The following MNT variants were observed in gnomAD, a reference collection of about 807,000 sequenced individuals.
MNT encodes the protein MAX network transcriptional repressor, also known as max-binding protein MNT.
In MNT, 13 loss-of-function variants were observed where a neutral mutation model predicts 40.7. That is an observed-to-expected ratio of 0.32 (90% CI 0.21 to 0.51). The LOEUF is 0.51. MNT is among the 20% of genes least tolerant of loss of function. The pLI, the probability that MNT is intolerant of heterozygous loss-of-function variation, is 0.98. For synonymous variants in MNT, 426 were observed against 354.8 expected (o/e 1.20, Z -2.26); for missense variants, 757 against 792.0 (o/e 0.96, Z 0.53).
Position 2,387,990 on chromosome 17 carries a change from C to T in MNT, c.867G>A (p.Lys289=). The part of the protein sequence containing the change: ...EHEMERLARE[K]IATQQRLAEL... ...CTGCCAGCCGCTGCTGCGTGGCAAT[C>T]TTCTCACGTGCCAGCCGCTCCATTT... is the stretch of plus-strand genomic sequence containing the variant. Residue 289 remains lysine (K), a synonymous_variant, in exon 5 of 6, where the codon AAG becomes AAA. Transcript: ENST00000174618. The T allele has an allele frequency of 2.5e-6, 4 of 1,582,242 alleles. No homozygotes were observed. Among genetic ancestry groups the T allele is most frequent in the Non-Finnish European group, 2.6e-6 (3 of 1,162,730 alleles).
At position 2,401,036 on chromosome 17, in the gene MNT, A is replaced by C. The variant is rs1311543814; in HGVS notation, c.-324T>G. 1 of 237,300 alleles carries C rather than the reference A, an allele frequency of 4.2e-6. No homozygotes were observed. The allele number at this position is 237,300 out of a possible 1,614,324, so 14.7% of individuals were successfully genotyped here. On this transcript the variant is annotated 5_prime_UTR_variant, in exon 1 of 6. Transcript: ENST00000174618. ...CCCGCGGCCCCCGGGAGTCCCGCCGACAAGAAAGGGCTTTGCAACAAGATG... is the reference window on the plus strand; with the variant it reads ...CCCGCGGCCCCCGGGAGTCCCGCCGCCAAGAAAGGGCTTTGCAACAAGATG...
Position 2,395,321 on chromosome 17 carries a change from T to C in MNT, c.207A>G (p.Pro69=), listed in dbSNP as rs7213000. 0.096 allele frequency: 153,897 copies of C among 1,605,646 alleles called. 8,542 individuals carry two copies. Among genetic ancestry groups the C allele is most frequent in the African/African-American group, 0.24 (17,498 of 74,290 alleles). ...GTGGGGGTGCCGGCGGGGGAGCCGGTGGAGACAGAGGCAGGGGTGGCGCCT... is the reference window on the plus strand; with the variant it reads ...GTGGGGGTGCCGGCGGGGGAGCCGGCGGAGACAGAGGCAGGGGTGGCGCCT... The part of the protein sequence containing the change: ...RMEAPPLPLS[P]PAPPPAPPPP... Residue 69 remains proline (P), a synonymous_variant, in exon 2 of 6, where the codon CCA becomes CCG. Transcript: ENST00000174618.
chr17:2,400,749 G>C lies in MNT; in HGVS notation c.-37C>G. The C allele has an allele frequency of 6.7e-7, 1 of 1,496,424 alleles. No homozygotes were observed. The highest frequency in any genetic ancestry group is 8.9e-7 in the Non-Finnish European group (1 of 1,128,104). 92.7% of individuals were successfully genotyped at this position (1,496,424 alleles called of 1,614,324 possible). ...CTGCCGGGGGCGCGCCGGGGCCGAGGCTGCGGCCCGCGAGCCGGGCACAGG... is the reference window on the plus strand; with the variant it reads ...CTGCCGGGGGCGCGCCGGGGCCGAGCCTGCGGCCCGCGAGCCGGGCACAGG... On this transcript the variant is annotated 5_prime_UTR_variant, in exon 1 of 6. Coordinates refer to ENST00000174618, the MANE Select transcript of MNT (RefSeq NM_020310.3).
intron 1 of MNT, among the ~76,000 whole-genome samples, chr17:2,398,998 C>T (rs1235196886): frequency 6.6e-6 from 1 of 151,474 alleles, no homozygotes; most frequent in Non-Finnish European, 1.5e-5. Flanking sequence ...TGCCCGCTGC[C>T]GCTCCCCCCT....
intron 2 of MNT, among the ~76,000 whole-genome samples, chr17:2,394,598 G>A (rs1390395777): frequency 2.0e-5 from 3 of 152,136 alleles, no homozygotes; most frequent in African/African-American, 7.2e-5. Context: ...CTCAGAGGCA[G>A]CCGGTTGACC....
At position 2,393,224 on chromosome 17, in the gene MNT, C is replaced by A. The variant is rs185606216; in HGVS notation, c.807+819G>T. Among the ~76,000 whole-genome samples the A allele has an allele frequency of 1.2e-3, 187 of 151,888 alleles. 2 individuals carry two copies. In the East Asian group the frequency reaches 0.025, roughly 20 times the overall value. Reference sequence around the variant, plus strand: ...TCCGCGGCTGCCGGCCCATCCCCCACAGCCTCCGGCCCGGCGCGCGGAAGC... The same window carrying A: ...TCCGCGGCTGCCGGCCCATCCCCCAAAGCCTCCGGCCCGGCGCGCGGAAGC... On this transcript the variant is annotated intron_variant, in intron 4 of 5. Coordinates refer to ENST00000174618, the MANE Select transcript of MNT (RefSeq NM_020310.3).
At chr17:2,400,224 T>C (rs929870387) in intron 1 of MNT, 1 of 189,060 alleles carries the variant, frequency 5.3e-6, no homozygotes, top group African/African-American at 2.4e-5. Context: ...TCATCTGCTC[T>C]TCCCGAGGCT....
rs373932523 is a variant in MNT at position 2,387,458 on chromosome 17, C to T, written c.1192G>A (p.Val398Met). ...SVALPPAHLP[V>M]QQQQPQQKTP... ...TTCTGCTGTGGCTGCTGCTGCTGCA[C>T]GGGGAGGTGGGCAGGAGGTAGGGCC... Residue 398 changes from valine (V) to methionine (M), a missense_variant, in exon 6 of 6, where the codon GTG (valine) becomes ATG (methionine). By Grantham distance (21) the Val-to-Met change is conservative. Around this residue, in one of 4 missense-constraint regions of MNT, gnomAD observed 345 missense variants for 380.1 expected, o/e 0.91. Coordinates refer to ENST00000174618, the MANE Select transcript of MNT (RefSeq NM_020310.3). 3.7e-5 allele frequency: 60 copies of T among 1,610,128 alleles called. No individual in the cohort carries two copies. The highest frequency in any genetic ancestry group is 1.8e-4 in the East Asian group (8 of 44,694).
At chr17:2,392,179 G>A (rs1233172324) in intron 4 of MNT, 3 of 152,182 alleles carry the variant, frequency 2.0e-5, no homozygotes, top group Non-Finnish European at 4.4e-5. Flanking sequence ...ACAAGACCCA[G>A]GCTTTTTTAC....
At position 2,394,172 on chromosome 17, in the gene MNT, C is replaced by T. The variant is rs2066553645; in HGVS notation, c.696-18G>A. 2.5e-6 allele frequency: 4 copies of T among 1,602,370 alleles called. No individual in the cohort carries two copies. In the African/African-American group the frequency reaches 4.1e-5, roughly 17 times the overall value. ...GGGCCCTCCTGAAGAGAGGGGCGAG[C>T]GCCGGTCAGCGGTGCCTGGGGCGGG... is the stretch of plus-strand genomic sequence containing the variant. On this transcript the variant is annotated intron_variant, in intron 3 of 5. Coordinates refer to ENST00000174618, the MANE Select transcript of MNT (RefSeq NM_020310.3).
At chr17:2,394,369 G>A in intron 2 of MNT, 23 bp from the exon 3 acceptor site, 1 of 1,613,492 alleles carries the variant, frequency 6.2e-7, no homozygotes, top group Non-Finnish European at 8.5e-7. Flanking sequence ...CAGATAGGAG[G>A]CTCAGGGAGG....
At chr17:2,392,939 C>G (rs1221843428) in intron 4 of MNT, among the ~76,000 whole-genome samples, 1 of 152,128 alleles carries the variant, frequency 6.6e-6, no homozygotes, top group Non-Finnish European at 1.5e-5. Flanking sequence ...AGCAGCGCCT[C>G]AGCCCCTCCC....
At chr17:2,393,392 C>A (rs2066541689) in intron 4 of MNT, among the ~76,000 whole-genome samples, 1 of 152,334 alleles carries the variant, frequency 6.6e-6, no homozygotes, top group South Asian at 2.1e-4. Flanking sequence ...AAAAGAGACA[C>A]CCCCTCTTCC....
In MNT at chr17:2,385,247, A is replaced by T. The variant is rs1278933402; in HGVS notation, c.*1654T>A. ...ATCTAAGGATTCTTTATTTCCAGAG[A>T]AAATCTATTCAAGACCTTTGCTGAC... On this transcript the variant is annotated 3_prime_UTR_variant, in exon 6 of 6. Transcript: ENST00000174618. The T allele has an allele frequency of 6.6e-6, 1 of 152,370 alleles. No homozygotes were observed. The highest frequency in any genetic ancestry group is 1.9e-4 in the East Asian group (1 of 5,188). 9.4% of individuals were successfully genotyped at this position (152,370 alleles called of 1,614,324 possible). A position where few individuals can be genotyped will look rare whatever the true frequency, so the allele number is the denominator to read the frequency against.
chr17:2,396,119 G>A (rs913779494), intron 1 of MNT, among the ~76,000 whole-genome samples: 4 of 150,498 alleles, frequency 2.7e-5, no homozygotes, highest in Non-Finnish European at 4.4e-5. Flanking sequence ...ATCCTCACAA[G>A]AGCCCCACGT....
At chr17:2,394,267 A>C (rs374759866) in intron 3 of MNT, 38 bp downstream of exon 3, 1 of 1,481,992 alleles carries the variant, frequency 6.7e-7, no homozygotes, top group Non-Finnish European at 9.1e-7. Context: ...TCGCGCGCGC[A>C]CGCACGCACG....
Position 2,387,383 on chromosome 17 carries a change from G to C in MNT, c.1267C>G (p.Leu423Val). ...PPPPAAPAQT[L>V]VPAPAHLVAT... ...ACCAGATGGGCTGGAGCTGGCACCA[G>C]TGTCTGGGCAGGGGCAGCCGGTGGG... The change falls in exon 6 of 6, where the codon CTG becomes GTG. Residue 423 changes from leucine to valine, a missense_variant. Leu to Val is a conservative substitution (Grantham distance 32). This residue lies in a region of MNT where 345 missense variants were observed against 380.1 expected (regional missense o/e 0.91). Coordinates refer to ENST00000174618, the MANE Select transcript of MNT (RefSeq NM_020310.3). 1 of 1,612,106 alleles carries C rather than the reference G, an allele frequency of 6.2e-7. No homozygotes were observed. Among genetic ancestry groups the C allele is most frequent in the Admixed American group, 1.7e-5 (1 of 59,636 alleles).
chr17:2,393,035 G>C (rs2151669126), intron 4 of MNT, among the ~76,000 whole-genome samples: 2 of 151,884 alleles, frequency 1.3e-5, no homozygotes, highest in African/African-American at 4.8e-5. Context: ...CTGGCTCCTC[G>C]CGCGCTGGAC....
intron 1 of MNT, among the ~76,000 whole-genome samples, chr17:2,397,112 C>G (rs1451830493): frequency 6.6e-6 from 1 of 152,140 alleles, no homozygotes; most frequent in Admixed American, 6.5e-5. Flanking sequence ...AGCCGGAGTT[C>G]AGGGGCTGGG....
Sources: gnomAD v4.1 joint callset for allele counts (sites outside exome capture counted in the v4.1 genomes callset) on GRCh38, gnomAD v4.1.1 for gene constraint, gnomAD v4.1.1 regional missense constraint, MANE v1.5 for transcripts, NCBI Gene and HGNC (gene_info 2026-07-23, HGNC 2026-07-21) for gene names.